The following KCNMA1 variants were observed in gnomAD, a reference collection of about 807,000 sequenced individuals.
The protein encoded by KCNMA1 is potassium calcium-activated channel subfamily M alpha 1.
Under a neutral mutation model 140.0 loss-of-function variants are expected in KCNMA1, and 29 were observed. The ratio of observed to expected loss-of-function variants is 0.21; its 90% CI spans 0.15 to 0.28. The LOEUF (loss-of-function observed/expected upper bound fraction) is 0.28. Among genes scored for constraint, KCNMA1 ranks in the 10% least tolerant of loss-of-function variants. KCNMA1 has a pLI of 1.00. For synonymous variants in KCNMA1, 612 were observed against 611.9 expected, an observed-to-expected ratio of 1.00 and a Z score of 0.00; for missense variants, 880 against 1,602.2, an observed-to-expected ratio of 0.55 and a Z score of 7.70.
intron 19 of KCNMA1, among the ~76,000 whole-genome samples, chr10:76,990,908 A>G (rs561300863): frequency 3.3e-5 from 5 of 152,202 alleles, no homozygotes; most frequent in Non-Finnish European, 7.3e-5. Flanking sequence ...CCTTGGCTTG[A>G]GCAGAACAAA....
intron 2 of KCNMA1, among the ~76,000 whole-genome samples, chr10:77,383,424 T>A (rs1260363889): frequency 6.6e-6 from 1 of 151,942 alleles, no homozygotes; most frequent in Non-Finnish European, 1.5e-5. Context: ...TTTTTTTTTT[T>A]TTTGCTTTCT....
chr10:77,312,612 C>A, intron 2 of KCNMA1, among the ~76,000 whole-genome samples: 1 of 152,170 alleles, frequency 6.6e-6, no homozygotes, highest in East Asian at 1.9e-4. Context: ...GGCAACAGAG[C>A]GAGATTCTGT....
intron 12 of KCNMA1, among the ~76,000 whole-genome samples, chr10:77,080,313 C>T (rs1375080083): frequency 6.6e-6 from 1 of 152,150 alleles, no homozygotes. Context: ...GGTGTAGCCC[C>T]GCTGTGCAGG....
intron 2 of KCNMA1, among the ~76,000 whole-genome samples, chr10:77,306,030 G>T (rs576215849): frequency 6.6e-6 from 1 of 152,254 alleles, no homozygotes; most frequent in Non-Finnish European, 1.5e-5. Flanking sequence ...GATGTCTGGG[G>T]CTCACTTCAC....
chr10:77,036,735 A>G (rs1431490042), intron 15 of KCNMA1, among the ~76,000 whole-genome samples: 3 of 152,204 alleles, frequency 2.0e-5, no homozygotes, highest in Non-Finnish European at 4.4e-5. Context: ...GATATACAAC[A>G]CTACACTCTA....
intron 1 of KCNMA1, among the ~76,000 whole-genome samples, chr10:77,438,851 T>A (rs528950203): frequency 6.6e-6 from 1 of 151,768 alleles, no homozygotes; most frequent in Non-Finnish European, 1.5e-5. Context: ...CCAAGACGGG[T>A]GGATCACCTG....
intron 3 of KCNMA1, among the ~76,000 whole-genome samples, chr10:77,188,575 G>A (rs2098903841): frequency 6.6e-6 from 1 of 152,112 alleles, no homozygotes; most frequent in South Asian, 2.1e-4. Context: ...TGGAGTAAAT[G>A]TTCAGTTGTA....
In KCNMA1 at chr10:77,147,310, T is replaced by A. The variant is rs147292124; in HGVS notation, c.809-26262A>T. Among the ~76,000 whole-genome samples the A allele has an allele frequency of 4.4e-4, 67 of 152,324 alleles. 2 individuals carry two copies. The East Asian group carries it at 9.1e-3, about 21-fold the overall frequency. On this transcript the variant is annotated intron_variant, in intron 5 of 27. Coordinates refer to ENST00000286628, the MANE Select transcript of KCNMA1 (RefSeq NM_001161352.2). ...TTTGGGAACTAGAAGCCTGTGTCAT[T>A]TGCACAGGTCTCAAGTTACAAGGGA...
intron 5 of KCNMA1, among the ~76,000 whole-genome samples, chr10:77,141,883 A>G (rs1375442133): frequency 1.3e-5 from 2 of 152,228 alleles, no homozygotes; most frequent in African/African-American, 4.8e-5. Context: ...CTCAATGTGG[A>G]TTAGTTCATT....
At chr10:77,310,786 C>G (rs564666210) in intron 2 of KCNMA1, among the ~76,000 whole-genome samples, 1 of 152,284 alleles carries the variant, frequency 6.6e-6, no homozygotes, top group South Asian at 2.1e-4. Flanking sequence ...AGAATAGGCC[C>G]AGAGACAGAG....
intron 2 of KCNMA1, among the ~76,000 whole-genome samples, chr10:77,318,884 G>A (rs1401439922): frequency 6.6e-6 from 1 of 152,136 alleles, no homozygotes; most frequent in East Asian, 1.9e-4. Context: ...TTGCTTTTCT[G>A]AGCAAAGAGA....
At chr10:77,491,601 G>A (rs550002695) in intron 1 of KCNMA1, among the ~76,000 whole-genome samples, 44 of 152,208 alleles carry the variant, frequency 2.9e-4, no homozygotes, top group African/African-American at 9.9e-4. Context: ...AGGGCATCTT[G>A]GGGTGACTGG....
At chr10:77,271,069 T>C (rs1208292871) in intron 2 of KCNMA1, among the ~76,000 whole-genome samples, 1 of 152,222 alleles carries the variant, frequency 6.6e-6, no homozygotes, top group Non-Finnish European at 1.5e-5. Context: ...CAGTGTTTCA[T>C]GTGTTGCAAC....
At chr10:77,564,608 A>G (rs1344519533) in intron 1 of KCNMA1, among the ~76,000 whole-genome samples, 1 of 152,100 alleles carries the variant, frequency 6.6e-6, no homozygotes, top group Non-Finnish European at 1.5e-5. Context: ...TTTAAATGTA[A>G]AAAAGGTGAT....
At chr10:77,134,560 A>C (rs1252047757) in intron 5 of KCNMA1, among the ~76,000 whole-genome samples, 1 of 152,200 alleles carries the variant, frequency 6.6e-6, no homozygotes, top group Non-Finnish European at 1.5e-5. Flanking sequence ...CTACTAGAAG[A>C]AAGTATTGAG....
Position 77,111,103 on chromosome 10 carries a change from G to A in KCNMA1, c.961-760C>T, listed in dbSNP as rs562903896. On this transcript the variant is annotated intron_variant, in intron 7 of 27. Transcript: ENST00000286628. The stretch of plus-strand genomic sequence containing the variant: ...ACAAATGGGTGTGGCTGGATTTGGA[G>A]AGCTTTGGCCCGAGACTGCAGTTTC... 4.3e-4 allele frequency among the ~76,000 whole-genome samples: 66 copies of A among 152,338 alleles called. 1 individual carries two copies. In the South Asian group the frequency reaches 0.013, roughly 31 times the overall value.
chr10:76,986,975 G>T (rs545115221), intron 19 of KCNMA1, among the ~76,000 whole-genome samples: 3 of 152,110 alleles, frequency 2.0e-5, no homozygotes, highest in South Asian at 4.2e-4. Context: ...CAAAGGAATT[G>T]GCTGTTGGCT....
chr10:76,887,129 T>C lies in KCNMA1; in HGVS notation c.*137A>G, dbSNP rs200712770. ...ATAAAAATGACAACCACATGCACAC[T>C]ATCATACATATGCAAATATGTGTAA... On this transcript the variant is annotated 3_prime_UTR_variant, in exon 28 of 28. Transcript: ENST00000286628. 13 of 1,600,466 alleles carry C rather than the reference T, an allele frequency of 8.1e-6. 1 individual carries two copies. The highest frequency in any genetic ancestry group is 1.7e-5 in the Admixed American group (1 of 59,716).
chr10:77,419,757 T>C (rs1379670610), intron 1 of KCNMA1, among the ~76,000 whole-genome samples: 1 of 152,172 alleles, frequency 6.6e-6, no homozygotes, highest in East Asian at 1.9e-4. Flanking sequence ...TTGCCAGCAT[T>C]TATTAAGTAT....
Sources: allele counts gnomAD v4.1 joint callset (sites outside exome capture counted in the v4.1 genomes callset), GRCh38; gene constraint gnomAD v4.1.1; transcripts MANE v1.5; gene names NCBI Gene and HGNC (gene_info 2026-07-23, HGNC 2026-07-21).